USP25: variants seen among roughly 807,000 people sequenced by gnomAD.
The protein encoded by USP25 is ubiquitin carboxyl-terminal hydrolase 25.
A neutral mutation model predicts 158.5 loss-of-function variants in USP25; 85 were observed. The ratio of observed to expected loss-of-function variants is 0.54; its 90% CI spans 0.45 to 0.64. The LOEUF (loss-of-function observed/expected upper bound fraction) is 0.64, where lower values mean the gene tolerates loss of function less well. Ranked by LOEUF, USP25 falls within the 30% of genes least tolerant of loss-of-function variation. The probability of loss-of-function intolerance (pLI) is 0.00; values close to 1 mark genes in which losing one functional copy is unlikely to be tolerated. For synonymous variants in USP25, 464 were observed against 460.4 expected (o/e 1.01, Z -0.10); for missense variants, 1,242 against 1,327.3 (o/e 0.94, Z 1.00).
chr21:15,860,964 A>G (rs1390253672), intron 20 of USP25, among the ~76,000 whole-genome samples: 1 of 143,182 alleles, frequency 7.0e-6, no homozygotes, highest in Non-Finnish European at 1.5e-5. Context: ...ATATATATAT[A>G]TATATATATA....
intron 4 of USP25, among the ~76,000 whole-genome samples, chr21:15,780,057 A>G (rs1251922309): frequency 6.6e-6 from 1 of 152,282 alleles, no homozygotes; most frequent in South Asian, 2.1e-4. Flanking sequence ...TTCAAAAGAG[A>G]AAATGATGCA....
intron 15 of USP25, among the ~76,000 whole-genome samples, chr21:15,830,879 G>A (rs539294150): frequency 1.3e-5 from 2 of 152,200 alleles, no homozygotes; most frequent in South Asian, 4.1e-4. Context: ...CTATTTTACA[G>A]TAAAATCTAC....
chr21:15,765,100 GCTT>G (rs2033963465), intron 2 of USP25, among the ~76,000 whole-genome samples: 1 of 151,964 alleles, frequency 6.6e-6, no homozygotes, highest in Non-Finnish European at 1.5e-5. Context: ...CACTCCACTG[GCTT>G]CTTATTACAC....
chr21:15,764,075 G>A (rs963237102), intron 2 of USP25, among the ~76,000 whole-genome samples: 1 of 152,120 alleles, frequency 6.6e-6, no homozygotes, highest in Non-Finnish European at 1.5e-5. Flanking sequence ...TCATGAAATA[G>A]TAGTGTTTAG....
chr21:15,734,525 T>C (rs529643651), intron 1 of USP25, among the ~76,000 whole-genome samples: 2 of 152,158 alleles, frequency 1.3e-5, no homozygotes, highest in Non-Finnish European at 2.9e-5. Context: ...ACTTGTAGAC[T>C]CACATTGTAT....
At chr21:15,831,674 G>A in intron 16 of USP25, 45 bp downstream of exon 16, 1 of 1,528,038 alleles carries the variant, frequency 6.5e-7, no homozygotes, top group Non-Finnish European at 9.0e-7. Flanking sequence ...AGTCATAAAA[G>A]TGGCTCTGGT....
chr21:15,750,008 G>A (rs1007185377), intron 1 of USP25, among the ~76,000 whole-genome samples: 34 of 152,184 alleles, frequency 2.2e-4, no homozygotes, highest in African/African-American at 8.0e-4. Flanking sequence ...TGTTTGGGGA[G>A]GAGAGGCTGT....
intron 5 of USP25, among the ~76,000 whole-genome samples, chr21:15,794,304 A>C (rs2035748133): frequency 6.6e-6 from 1 of 151,744 alleles, no homozygotes; most frequent in African/African-American, 2.4e-5. Context: ...GAAAGGGAAT[A>C]TAAACAAAGA....
At position 15,745,948 on chromosome 21, in the gene USP25, A is replaced by G. The variant is rs1474557593; in HGVS notation, c.45+15510A>G. 4.6e-5 allele frequency among the ~76,000 whole-genome samples: 7 copies of G among 152,186 alleles called. No homozygotes were observed. The South Asian group carries it at 6.2e-4, about 13-fold the overall frequency. ...CATGTGGAATCTAGTCCCAGCACCT[A>G]CTTTTGAAAAAGCTGTCCTTTCATC... On this transcript the variant is annotated intron_variant, in intron 1 of 25. Coordinates refer to ENST00000400183, the MANE Select transcript of USP25 (RefSeq NM_001283041.3).
chr21:15,776,319 A>G (rs2034653508), intron 3 of USP25, among the ~76,000 whole-genome samples: 1 of 152,022 alleles, frequency 6.6e-6, no homozygotes, highest in Admixed American at 6.6e-5. Context: ...GTGAGGTTTT[A>G]TTATACTCTC....
intron 1 of USP25, among the ~76,000 whole-genome samples, chr21:15,750,214 GTTT>G (rs35867462): frequency 0.19 from 12,346 of 65,684 alleles, 720 homozygotes; most frequent in South Asian, 0.21. Context: ...GTGTGTGTAT[GTTT>G]TTTTTTTTTT....
chr21:15,781,338 T>C lies in USP25; in HGVS notation c.392+3311T>C, dbSNP rs200531211. Among the ~76,000 whole-genome samples, 19 of 152,302 alleles carry C rather than the reference T, an allele frequency of 1.2e-4. 1 individual carries two copies. The East Asian group carries it at 1.4e-3, about 11-fold the overall frequency. ...TGTGGATGTGATTCCATTTTGGGTATTGTGATTGTGGCAGTGGTGGTGATC... is the reference window on the plus strand; with the variant it reads ...TGTGGATGTGATTCCATTTTGGGTACTGTGATTGTGGCAGTGGTGGTGATC... On this transcript the variant is annotated intron_variant, in intron 4 of 25. Coordinates refer to ENST00000400183, the MANE Select transcript of USP25 (RefSeq NM_001283041.3).
intron 18 of USP25, among the ~76,000 whole-genome samples, chr21:15,846,227 G>T (rs2038610462): frequency 7.4e-6 from 1 of 134,854 alleles, no homozygotes; most frequent in Admixed American, 8.3e-5. Flanking sequence ...CAGTGGTGCA[G>T]TCTCAGCTCT....
rs1161487898 is a variant in USP25 at position 15,847,659 on chromosome 21, G to A, written c.2338-4G>A. On this transcript the variant is annotated splice_region_variant and splice_polypyrimidine_tract_variant and intron_variant, in intron 18 of 25. Coordinates refer to ENST00000400183, the MANE Select transcript of USP25 (RefSeq NM_001283041.3). ...ATGTTTATATTAATGATTTCCTTCT[G>A]CAGAAACCTGAAAATACTACAAGCC... is the stretch of plus-strand genomic sequence containing the variant. 6.5e-7 allele frequency: 1 copy of A among 1,543,698 alleles called. No individual in the cohort carries two copies. Among genetic ancestry groups the A allele is most frequent in the South Asian group, 1.2e-5 (1 of 83,916 alleles).
chr21:15,828,686 G>GGA (rs1460925743), intron 14 of USP25, among the ~76,000 whole-genome samples: 1 of 152,200 alleles, frequency 6.6e-6, no homozygotes, highest in Non-Finnish European at 1.5e-5. Flanking sequence ...TCACCAGGCT[G>GGA]GAGTGCAGTG....
intron 6 of USP25, among the ~76,000 whole-genome samples, chr21:15,801,842 T>G (rs1430804612): frequency 2.6e-5 from 4 of 151,540 alleles, no homozygotes; most frequent in Non-Finnish European, 4.4e-5. Flanking sequence ...TACATACATA[T>G]TGAGTGAGAT....
rs190177864 is a variant in USP25, at chr21:15,843,124, T to C, written c.2337+584T>C. On this transcript the variant is annotated intron_variant, in intron 18 of 25. Coordinates refer to ENST00000400183, the MANE Select transcript of USP25 (RefSeq NM_001283041.3). The surrounding 1 kb of genome is among the most constrained non-coding windows in gnomAD (Gnocchi z 4.0). ...CTATTGTAGTTTTCAACTACATCTT[T>C]TTATAGCGGTAAATTGAGCATGTTT... is the stretch of plus-strand genomic sequence containing the variant. Among the ~76,000 whole-genome samples, 61 of 147,388 alleles carry C rather than the reference T, an allele frequency of 4.1e-4. No homozygotes were observed. The highest frequency in any genetic ancestry group is 1.3e-3 in the African/African-American group (49 of 37,434).
intron 5 of USP25, among the ~76,000 whole-genome samples, chr21:15,799,340 C>T (rs1425603253): frequency 1.3e-5 from 2 of 151,132 alleles, no homozygotes; most frequent in East Asian, 1.9e-4. Context: ...CTTTGTGTCT[C>T]TATTACCTAG....
Position 15,826,511 on chromosome 21 carries a change from T to A in USP25, c.1466+146T>A. 6.6e-6 allele frequency: 6 copies of A among 902,466 alleles called. No individual in the cohort carries two copies. Among genetic ancestry groups the A allele is most frequent in the Non-Finnish European group, 9.8e-6 (6 of 610,484 alleles). The allele number at this position is 902,466 out of a possible 1,614,324, so 55.9% of individuals were successfully genotyped here. On this transcript the variant is annotated intron_variant, in intron 13 of 25. Transcript: ENST00000400183. The surrounding 1 kb of genome is among the most constrained non-coding windows in gnomAD (Gnocchi z 4.8). ...GAGTAGATTCACTTAGAAGACTGTA[T>A]GTCCTCTGGGAGTTTTTTTATTATT...
Sources: gnomAD v4.1 joint callset for allele counts (sites outside exome capture counted in the v4.1 genomes callset) on GRCh38, gnomAD v4.1.1 for gene constraint, Gnocchi (gnomAD v3.1) non-coding constraint, MANE v1.5 for transcripts, NCBI Gene and HGNC (gene_info 2026-07-23, HGNC 2026-07-21) for gene names.